JAK1: variants seen among roughly 807,000 people sequenced by gnomAD.
The protein encoded by JAK1 is Janus kinase 1, also known as tyrosine-protein kinase JAK1.
In JAK1, 16 loss-of-function variants were observed where a neutral mutation model predicts 136.6. The observed-to-expected ratio is 0.12, with a 90% CI of 0.08 to 0.18. The LOEUF (loss-of-function observed/expected upper bound fraction) is 0.18, where lower values mean the gene tolerates loss of function less well. Among genes scored for constraint, JAK1 ranks in the 10% least tolerant of loss-of-function variants. JAK1 has a pLI of 1.00. For missense variants in JAK1, 859 were observed against 1,450.1 expected (o/e 0.59, Z 6.62); for synonymous variants, 492 against 519.5 (o/e 0.95, Z 0.72).
rs1570594482 is a variant in JAK1, at chr1:64,833,442, A to ACTC, written c.*1117_*1119dup. On this transcript the variant is annotated 3_prime_UTR_variant, in exon 25 of 25. Transcript: ENST00000342505. ...AACAGCATAACAAAAAGATTTTCAG[A>ACTC]CTCTTGGTCATAAAGACCGTAATCG... 4 of 232,872 alleles carry ACTC rather than the reference A, an allele frequency of 1.7e-5. No individual in the cohort carries two copies. Among genetic ancestry groups the ACTC allele is most frequent in the East Asian group, 6.0e-5 (1 of 16,544 alleles). 14.4% of individuals were successfully genotyped at this position (232,872 alleles called of 1,614,324 possible). A position where few individuals can be genotyped will look rare whatever the true frequency, so the allele number is the denominator to read the frequency against.
chr1:64,957,307 T>C (rs61786114), intron 1 of JAK1, among the ~76,000 whole-genome samples: 9,585 of 152,280 alleles, frequency 0.063, 449 homozygotes, highest in South Asian at 0.1. Flanking sequence ...CTTCCCCTAA[T>C]GCATTATAAG....
intron 2 of JAK1, among the ~76,000 whole-genome samples, chr1:65,018,501 C>CACAA (rs1474417266): frequency 4.6e-5 from 7 of 151,664 alleles, no homozygotes; most frequent in African/African-American, 9.7e-5. Flanking sequence ...CACACACACA[C>CACAA]ACACACACAC....
Position 64,986,199 on chromosome 1 carries a change from G to A in JAK1, c.-78+58281C>T, listed in dbSNP as rs112242745. Reference sequence around the variant, plus strand: ...CAGCTCACTGCAACCTCTGCCTCCCGGGTTCAGGCGATTCTCCTGCCTCAG... The same window carrying A: ...CAGCTCACTGCAACCTCTGCCTCCCAGGTTCAGGCGATTCTCCTGCCTCAG... On this transcript the variant is annotated intron_variant, in intron 2 of 25. Transcript: ENST00000671954. 1.4e-3 allele frequency: 527 copies of A among 378,226 alleles called. 3 individuals carry two copies. Among genetic ancestry groups the A allele is most frequent in the African/African-American group, 0.011 (492 of 46,524 alleles). The allele number at this position is 378,226 out of a possible 1,614,324, so 23.4% of individuals were successfully genotyped here.
At chr1:64,994,921 G>A (rs747329240) in intron 2 of JAK1, 8 of 147,984 alleles carry the variant, frequency 5.4e-5, no homozygotes, top group Admixed American at 6.8e-5. Context: ...ACAGTAAGAC[G>A]TGACACCATA....
At chr1:64,999,993 G>GT (rs370410704) in intron 2 of JAK1, among the ~76,000 whole-genome samples, 23,700 of 141,452 alleles carry the variant, frequency 0.17, 2,466 homozygotes, top group African/African-American at 0.29. Flanking sequence ...AGAATCATAA[G>GT]TTTTTTTTTT....
chr1:65,020,984 G>A (rs1646932746), intron 2 of JAK1, among the ~76,000 whole-genome samples: 1 of 152,134 alleles, frequency 6.6e-6, no homozygotes, highest in South Asian at 2.1e-4. Context: ...GAAAGACAGA[G>A]CCAGTCCACA....
chr1:65,011,574 C>T (rs1191566490), intron 2 of JAK1, among the ~76,000 whole-genome samples: 1 of 152,090 alleles, frequency 6.6e-6, no homozygotes, highest in African/African-American at 2.4e-5. Context: ...ATATATTTTC[C>T]AGATTCCTTT....
At chr1:64,836,460 C>T (rs1407409725) in intron 22 of JAK1, among the ~76,000 whole-genome samples, 1 of 152,114 alleles carries the variant, frequency 6.6e-6, no homozygotes, top group Non-Finnish European at 1.5e-5. Flanking sequence ...CAAGTCTGTG[C>T]TCTTCATTTC....
chr1:65,037,723 G>A (rs1647087770), intron 2 of JAK1, among the ~76,000 whole-genome samples: 1 of 152,084 alleles, frequency 6.6e-6, no homozygotes, highest in East Asian at 1.9e-4. Flanking sequence ...ATTTAGCCAG[G>A]AGTGGTGGCA....
intron 1 of JAK1, among the ~76,000 whole-genome samples, chr1:64,962,834 A>G (rs1409292425): frequency 6.6e-6 from 1 of 152,158 alleles, no homozygotes; most frequent in Non-Finnish European, 1.5e-5. Context: ...GTGGGAGGCC[A>G]AGGCAGGCGG....
chr1:65,011,751 C>T (rs1338602319), intron 2 of JAK1, among the ~76,000 whole-genome samples: 2 of 152,158 alleles, frequency 1.3e-5, no homozygotes, highest in Non-Finnish European at 2.9e-5. Flanking sequence ...TGAACCTCTT[C>T]CTGTTCTAGT....
intron 1 of JAK1, among the ~76,000 whole-genome samples, chr1:65,057,232 C>T (rs1402197384): frequency 6.6e-6 from 1 of 152,154 alleles, no homozygotes; most frequent in Non-Finnish European, 1.5e-5. Flanking sequence ...AAGTCATGCA[C>T]TTTGTTTCTT....
intron 1 of JAK1, among the ~76,000 whole-genome samples, chr1:65,067,358 C>T (rs1648103606): frequency 6.7e-6 from 1 of 149,498 alleles, no homozygotes; most frequent in Non-Finnish European, 1.5e-5. Flanking sequence ...CGCGGCCAGC[C>T]TCGCCGGAGC....
At chr1:64,998,769 G>A (rs1472954567) in intron 2 of JAK1, among the ~76,000 whole-genome samples, 2 of 152,176 alleles carry the variant, frequency 1.3e-5, no homozygotes, top group African/African-American at 4.8e-5. Flanking sequence ...CTCTTTGCCT[G>A]CTGCCGTCCA....
At chr1:64,837,479 TGA>T in intron 22 of JAK1, among the ~76,000 whole-genome samples, 1 of 152,172 alleles carries the variant, frequency 6.6e-6, no homozygotes, top group Admixed American at 6.5e-5. Context: ...TGGTGATTCA[TGA>T]GACAGCCAGG....
chr1:65,062,850 T>C (rs1244926073), intron 1 of JAK1, among the ~76,000 whole-genome samples: 11 of 152,358 alleles, frequency 7.2e-5, no homozygotes, highest in African/African-American at 2.4e-4. Context: ...GATTAATTGA[T>C]GAACCTCTCC....
intron 1 of JAK1, among the ~76,000 whole-genome samples, chr1:64,903,043 A>G (rs1383931555): frequency 6.6e-6 from 1 of 151,988 alleles, no homozygotes; most frequent in Admixed American, 6.6e-5. Flanking sequence ...GTAAGGACAA[A>G]GAGACAGAGT....
At chr1:64,897,752 A>G (rs1262922487) in intron 1 of JAK1, among the ~76,000 whole-genome samples, 1 of 55,368 alleles carries the variant, frequency 1.8e-5, no homozygotes, top group Non-Finnish European at 6.7e-5. Flanking sequence ...AGATCCCCAG[A>G]TTCATGTGAA....
At position 64,966,397 on chromosome 1, in the gene JAK1, G is replaced by C. The variant is rs1646379952; in HGVS notation, c.-142C>G. On this transcript the variant is annotated 5_prime_UTR_variant, in exon 1 of 25. Coordinates refer to ENST00000342505, the MANE Select transcript of JAK1 (RefSeq NM_002227.4). ...TGCGCTGGCTGGGGTCGACCGGCAG[G>C]CTCGCTAGGCGGCCAGCCCCGCGGG... 6.6e-6 allele frequency: 1 copy of C among 151,304 alleles called. No homozygotes were observed. The highest frequency in any genetic ancestry group is 2.1e-4 in the South Asian group (1 of 4,834). The allele number at this position is 151,304 out of a possible 1,614,324, so 9.4% of individuals were successfully genotyped here.
Sources: allele counts gnomAD v4.1 joint callset (sites outside exome capture counted in the v4.1 genomes callset), GRCh38; gene constraint gnomAD v4.1.1; transcripts MANE v1.5; gene names NCBI Gene and HGNC (gene_info 2026-07-23, HGNC 2026-07-21).